Variants in DHRSX observed in about 807,000 individuals in gnomAD.
DHRSX encodes polyprenol dehydrogenase.
A neutral mutation model predicts 34.0 loss-of-function variants in DHRSX; 31 were observed. That is an observed-to-expected ratio of 0.91 (90% CI 0.69 to 1.23). The LOEUF (loss-of-function observed/expected upper bound fraction) is 1.23, where lower values mean the gene tolerates loss of function less well. DHRSX is among the 50% of genes most tolerant of loss of function. DHRSX has a pLI of 0.00. For synonymous variants in DHRSX, 201 were observed against 183.8 expected (o/e 1.09, Z -0.76); for missense variants, 414 against 428.1 (o/e 0.97, Z 0.29).
intron 5 of DHRSX, among the ~76,000 whole-genome samples, chrX:2,244,095 C>G (rs759838475): frequency 6.6e-6 from 1 of 152,110 alleles, no homozygotes; most frequent in South Asian, 2.1e-4. Context: ...TGATGAGTCT[C>G]AAATCATAAA....
Position 2,488,829 on chromosome X carries a change from C to T in DHRSX, c.109+11988G>A, listed in dbSNP as rs771530924. 24 of 1,613,852 alleles carry T rather than the reference C, an allele frequency of 1.5e-5. No individual in the cohort carries two copies. The South Asian group carries it at 1.9e-4, about 13-fold the overall frequency. On this transcript the variant is annotated intron_variant, in intron 1 of 6. Coordinates refer to ENST00000334651, the MANE Select transcript of DHRSX (RefSeq NM_145177.3). The stretch of plus-strand genomic sequence containing the variant: ...GCGGGAGCCAGCCGGTTCCTCTTGG[C>T]GCTGACCACGTTGGCGGCGGATCCG...
At chrX:2,489,825 T>TGCCG in intron 1 of DHRSX, 1 of 1,613,650 alleles carries the variant, frequency 6.2e-7, no homozygotes, top group Non-Finnish European at 8.5e-7. Flanking sequence ...GCCTGCTGGA[T>TGCCG]GCCGGCATTG....
At chrX:2,375,696 G>A (rs866673610) in intron 3 of DHRSX, among the ~76,000 whole-genome samples, 1 of 136,458 alleles carries the variant, frequency 7.3e-6, no homozygotes, top group African/African-American at 2.5e-5. Flanking sequence ...GCAGTAGTGC[G>A]ATCTCGGCTC....
At chrX:2,398,047 G>A (rs1297133617) in intron 3 of DHRSX, among the ~76,000 whole-genome samples, 1 of 151,894 alleles carries the variant, frequency 6.6e-6, no homozygotes, top group African/African-American at 2.4e-5. Context: ...CCAACAGGCT[G>A]ATATATTCAG....
rs182944450 is a variant in DHRSX at position 2,298,100 on chromosome X, G to A, written c.287-6497C>T. The stretch of plus-strand genomic sequence containing the variant: ...AGGAACAGGCATGCTTGAGACAGAT[G>A]AGAGAAAATGATGATGTGAAGACAG... On this transcript the variant is annotated intron_variant, in intron 3 of 6. Transcript: ENST00000334651. Among the ~76,000 whole-genome samples, 17 of 152,072 alleles carry A rather than the reference G, an allele frequency of 1.1e-4. No homozygotes were observed. In the East Asian group the frequency reaches 3.3e-3, roughly 30 times the overall value.
At chrX:2,361,995 T>C (rs1026052225) in intron 3 of DHRSX, among the ~76,000 whole-genome samples, 1 of 152,190 alleles carries the variant, frequency 6.6e-6, no homozygotes, top group African/African-American at 2.4e-5. Flanking sequence ...GACACATGGA[T>C]ATACAACACG....
chrX:2,243,347 A>G (rs2016189036), intron 5 of DHRSX, 117 bp from the exon 6 acceptor site: 3 of 811,758 alleles, frequency 3.7e-6, no homozygotes, highest in South Asian at 1.7e-5. Flanking sequence ...CACCTCCCCT[A>G]GACCCATGTG....
intron 1 of DHRSX, among the ~76,000 whole-genome samples, chrX:2,445,666 G>A (rs985911323): frequency 2.6e-5 from 4 of 151,900 alleles, no homozygotes; most frequent in African/African-American, 9.7e-5. Context: ...TGTACACACT[G>A]AAGATGTTCC....
At chrX:2,301,329 G>A (rs1012235933) in intron 3 of DHRSX, among the ~76,000 whole-genome samples, 5 of 152,158 alleles carry the variant, frequency 3.3e-5, no homozygotes, top group Admixed American at 6.5e-5. Flanking sequence ...CAGGGGAATC[G>A]CTTGAACCTG....
intron 4 of DHRSX, among the ~76,000 whole-genome samples, chrX:2,272,034 A>C (rs2041562998): frequency 6.6e-6 from 1 of 151,912 alleles, no homozygotes; most frequent in Non-Finnish European, 1.5e-5. Flanking sequence ...GAGTGAGACA[A>C]AACGAAACAA....
In DHRSX at chrX:2,408,794, T is replaced by C; in HGVS notation, c.237A>G (p.Lys79=). 1 of 1,613,002 alleles carries C rather than the reference T, an allele frequency of 6.2e-7. No individual in the cohort carries two copies. The highest frequency in any genetic ancestry group is 1.7e-5 in the Admixed American group (1 of 59,862). The change falls in exon 3 of 7, where the codon AAA becomes AAG. Residue 79 remains lysine, a synonymous_variant. Coordinates refer to ENST00000334651, the MANE Select transcript of DHRSX (RefSeq NM_145177.3). ...TTATTTTGCTTACAACTTGTTTGGC[T>C]TTGCTGTCATTATTTCCAGCTAAAA... ...HVIIAGNNDS[K]AKQVVSKIKE... is the part of the protein sequence containing the mutation.
chrX:2,362,793 G>T (rs111990063), intron 3 of DHRSX, among the ~76,000 whole-genome samples: 12 of 133,590 alleles, frequency 9.0e-5, no homozygotes, highest in African/African-American at 2.7e-4. Context: ...GTATCATGCC[G>T]CCATTTTATC....
Position 2,312,061 on chromosome X carries a change from G to GCACTGTA in DHRSX, c.287-20465_287-20459dup, listed in dbSNP as rs746450695. Among the ~76,000 whole-genome samples, 943 of 152,272 alleles carry GCACTGTA rather than the reference G, an allele frequency of 6.2e-3. 3 individuals carry two copies. Among genetic ancestry groups the GCACTGTA allele is most frequent in the Middle Eastern group, 0.014 (4 of 294 alleles). Reference sequence around the variant, plus strand: ...CCCCACGCCACCACCCATGCTGCAAGCACTGTAAGCTGTGATAGTATCTGT... The same window carrying GCACTGTA: ...CCCCACGCCACCACCCATGCTGCAAGCACTGTACACTGTAAGCTGTGATAGTATCTGT... On this transcript the variant is annotated intron_variant, in intron 3 of 6. Coordinates refer to ENST00000334651, the MANE Select transcript of DHRSX (RefSeq NM_145177.3).
In DHRSX at chrX:2,500,880, C is replaced by G; in HGVS notation, c.46G>C (p.Val16Leu). The G allele has an allele frequency of 1.7e-6, 2 of 1,150,006 alleles. No homozygotes were observed. The highest frequency in any genetic ancestry group is 3.0e-5 in the South Asian group (1 of 33,568). 71.2% of individuals were successfully genotyped at this position (1,150,006 alleles called of 1,614,324 possible). A position where few individuals can be genotyped will look rare whatever the true frequency, so the allele number is the denominator to read the frequency against. ...TGCGCCAGGATCACCGCGGCGCCTA[C>G]CGCGTAGACCCGCAGGGCCGCCCGC... ...AARAALRVYAVGAAVILAQLL... is the reference protein window; with the variant it reads ...AARAALRVYALGAAVILAQLL... Residue 16 changes from valine (V) to leucine (L), a missense_variant, in exon 1 of 7, where the codon GTA (valine) becomes CTA (leucine). Coordinates refer to ENST00000334651, the MANE Select transcript of DHRSX (RefSeq NM_145177.3).
rs769306154 is a variant in DHRSX at position 2,490,104 on chromosome X, G to T, written c.109+10713C>A. On this transcript the variant is annotated intron_variant, in intron 1 of 6. Coordinates refer to ENST00000334651, the MANE Select transcript of DHRSX (RefSeq NM_145177.3). The stretch of plus-strand genomic sequence containing the variant: ...GCCAGCGTGACGTAGGCGCGGTTCT[G>T]ATTCTCACTCCTCCACATGTCGGTG... 5.6e-6 allele frequency: 9 copies of T among 1,613,786 alleles called. No homozygotes were observed. The East Asian group carries it at 1.8e-4, about 32-fold the overall frequency.
intron 1 of DHRSX, among the ~76,000 whole-genome samples, chrX:2,496,558 C>A (rs371855988): frequency 6.6e-6 from 1 of 151,944 alleles, no homozygotes; most frequent in Non-Finnish European, 1.5e-5. Flanking sequence ...GATGGGTGCA[C>A]CAGAATCTCA....
intron 3 of DHRSX, among the ~76,000 whole-genome samples, chrX:2,304,245 A>C (rs1253755926): frequency 1.3e-5 from 1 of 78,462 alleles, no homozygotes; most frequent in Non-Finnish European, 2.6e-5. Flanking sequence ...GGATGGATAA[A>C]TGGATGGATG....
At chrX:2,355,773 A>G (rs1269554851) in intron 3 of DHRSX, among the ~76,000 whole-genome samples, 1 of 152,036 alleles carries the variant, frequency 6.6e-6, no homozygotes, top group Non-Finnish European at 1.5e-5. Flanking sequence ...AAAATCAAGA[A>G]TGAGGAGACT....
chrX:2,356,023 G>A (rs9785455), intron 3 of DHRSX, among the ~76,000 whole-genome samples: 65,292 of 148,366 alleles, frequency 0.44, 15,153 homozygotes, highest in Non-Finnish European at 0.52. Flanking sequence ...CCGAGATTGC[G>A]CCATTGCACT....
Sources: gnomAD v4.1 joint callset for allele counts (sites outside exome capture counted in the v4.1 genomes callset) on GRCh38, gnomAD v4.1.1 for gene constraint, MANE v1.5 for transcripts, NCBI Gene and HGNC (gene_info 2026-07-23, HGNC 2026-07-21) for gene names.